The following TLE4 variants were observed in gnomAD, a reference collection of about 807,000 sequenced individuals.
TLE4 encodes the protein transducin-like enhancer protein 4.
In TLE4, 8 loss-of-function variants were observed where a neutral mutation model predicts 92.8. That is an observed-to-expected ratio of 0.09 (90% confidence interval 0.05 to 0.16). The LOEUF is 0.16. Ranked by LOEUF, TLE4 falls within the 10% of genes least tolerant of loss-of-function variation. TLE4 has a pLI of 1.00. For synonymous variants in TLE4, 371 were observed against 374.1 expected (o/e 0.99, Z 0.10); for missense variants, 675 against 997.6 (o/e 0.68, Z 4.36).
At chr9:79,683,656 T>C (rs1307869861) in intron 8 of TLE4, among the ~76,000 whole-genome samples, 8 of 152,242 alleles carry the variant, frequency 5.3e-5, no homozygotes, top group Non-Finnish European at 1.5e-5. Context: ...TGATAAGGTG[T>C]GGTTAATCTC....
chr9:79,596,177 C>G lies in TLE4; in HGVS notation c.253-16479C>G, dbSNP rs375917837. On this transcript the variant is annotated intron_variant, in intron 4 of 19. Coordinates refer to ENST00000376552, the MANE Select transcript of TLE4 (RefSeq NM_007005.6). ...TATCTACTTAATCGAAGAGAACATA[C>G]CTCTGTAAGTCACAAAGAATTTTTA... is the stretch of plus-strand genomic sequence containing the variant. 2.0e-5 allele frequency among the ~76,000 whole-genome samples: 3 copies of G among 152,058 alleles called. No individual in the cohort carries two copies. The South Asian group carries it at 6.2e-4, about 31-fold the overall frequency.
At chr9:79,717,816 G>A (rs2136185677) in intron 14 of TLE4, among the ~76,000 whole-genome samples, 1 of 152,196 alleles carries the variant, frequency 6.6e-6, no homozygotes, top group East Asian at 1.9e-4. Context: ...TCCAAAATGG[G>A]CTGTTGCCTA....
chr9:79,722,654 C>A, intron 18 of TLE4, 53 bp downstream of exon 18: 1 of 1,591,358 alleles, frequency 6.3e-7, no homozygotes, highest in Non-Finnish European at 8.6e-7. Flanking sequence ...CTCCTTCCCC[C>A]TTCCTGTGTT....
chr9:79,599,378 C>T (rs999195648), intron 4 of TLE4, among the ~76,000 whole-genome samples: 3 of 152,136 alleles, frequency 2.0e-5, no homozygotes, highest in African/African-American at 7.2e-5. Context: ...AAACTGAAGC[C>T]AGGGTCCTGT....
intron 8 of TLE4, among the ~76,000 whole-genome samples, chr9:79,680,929 T>G (rs2064414173): frequency 6.6e-6 from 1 of 152,186 alleles, no homozygotes; most frequent in Non-Finnish European, 1.5e-5. Flanking sequence ...TGGATTACAT[T>G]TATTGATTTG....
At chr9:79,603,354 A>G (rs1359410320) in intron 4 of TLE4, among the ~76,000 whole-genome samples, 1 of 152,136 alleles carries the variant, frequency 6.6e-6, no homozygotes, top group Admixed American at 6.5e-5. Flanking sequence ...GTTTTTGAGA[A>G]AATGTCATAG....
At chr9:79,616,066 T>A (rs571986314) in intron 5 of TLE4, among the ~76,000 whole-genome samples, 1 of 152,294 alleles carries the variant, frequency 6.6e-6, no homozygotes, top group South Asian at 2.1e-4. Context: ...AGACTCAAAT[T>A]TATTCTTCAA....
intron 4 of TLE4, among the ~76,000 whole-genome samples, chr9:79,587,928 GA>G (rs2041553736): frequency 6.6e-6 from 1 of 152,170 alleles, no homozygotes; most frequent in African/African-American, 2.4e-5. Flanking sequence ...ATCTTTTGAG[GA>G]AGGGATCTGA....
At chr9:79,683,975 C>G (rs7863508) in intron 8 of TLE4, among the ~76,000 whole-genome samples, 135,115 of 152,236 alleles carry the variant, frequency 0.89, 59,963 homozygotes, top group Admixed American at 0.9. Flanking sequence ...TAAGATATCA[C>G]AAACCATAAT....
intron 4 of TLE4, among the ~76,000 whole-genome samples, chr9:79,611,936 T>TAAAAAAAAA (rs34106000): frequency 1.3e-5 from 1 of 78,418 alleles, no homozygotes; most frequent in Non-Finnish European, 2.8e-5. Flanking sequence ...ATATCCACAG[T>TAAAAAAAAA]AAAAAAAAAA....
chr9:79,653,718 A>G (rs1028476533), intron 7 of TLE4, among the ~76,000 whole-genome samples: 1 of 152,232 alleles, frequency 6.6e-6, no homozygotes, highest in Non-Finnish European at 1.5e-5. Flanking sequence ...TCCATCTCTG[A>G]TATTAAAAAC....
chr9:79,648,045 T>C (rs560810847), intron 6 of TLE4, among the ~76,000 whole-genome samples: 5 of 152,218 alleles, frequency 3.3e-5, no homozygotes, highest in African/African-American at 9.6e-5. Context: ...CTAAACAGAC[T>C]AGTGTTGCGG....
In TLE4 at chr9:79,666,077, C is replaced by G. The variant is rs190287110; in HGVS notation, c.609+12002C>G. 1.2e-4 allele frequency among the ~76,000 whole-genome samples: 18 copies of G among 151,942 alleles called. No individual in the cohort carries two copies. The East Asian group carries it at 3.5e-3, about 29-fold the overall frequency. Reference sequence around the variant, plus strand: ...CTGGTGGTAAAAAGTAGAAATTCCACAATTACAAGTGGCAGTGAGTAAACT... The same window carrying G: ...CTGGTGGTAAAAAGTAGAAATTCCAGAATTACAAGTGGCAGTGAGTAAACT... On this transcript the variant is annotated intron_variant, in intron 8 of 19. Coordinates refer to ENST00000376552, the MANE Select transcript of TLE4 (RefSeq NM_007005.6).
Position 79,722,089 on chromosome 9 carries a change from C to T in TLE4, c.1986+201C>T, listed in dbSNP as rs541467871. Among the ~76,000 whole-genome samples the T allele has an allele frequency of 1.7e-3, 255 of 152,186 alleles. 1 individual carries two copies. The highest frequency in any genetic ancestry group is 4.8e-3 in the Admixed American group (74 of 15,284). ...CTGTGGCAGGAGAATCGCTTGAATG[C>T]GGGAGGCAGTGGTTGCACTGAGCTG... is the stretch of plus-strand genomic sequence containing the variant. On this transcript the variant is annotated intron_variant, in intron 17 of 19. Coordinates refer to ENST00000376552, the MANE Select transcript of TLE4 (RefSeq NM_007005.6).
At chr9:79,615,431 A>G (rs1756237324) in intron 5 of TLE4, among the ~76,000 whole-genome samples, 1 of 152,218 alleles carries the variant, frequency 6.6e-6, no homozygotes, top group African/African-American at 2.4e-5. Context: ...AGGAAAAAGC[A>G]AAACAATTCC....
intron 16 of TLE4, 60 bp downstream of exon 16, chr9:79,720,353 C>A: frequency 6.4e-7 from 1 of 1,551,042 alleles, no homozygotes; most frequent in South Asian, 1.2e-5. Flanking sequence ...CATATTTTGC[C>A]AAAGTGCTGT....
At chr9:79,658,709 G>C (rs1264624346) in intron 8 of TLE4, among the ~76,000 whole-genome samples, 1 of 152,176 alleles carries the variant, frequency 6.6e-6, no homozygotes, top group East Asian at 1.9e-4. Flanking sequence ...CTTTAAGTAG[G>C]AGTTTTACCG....
chr9:79,653,320 T>G (rs1194550863), intron 7 of TLE4, among the ~76,000 whole-genome samples: 1 of 152,216 alleles, frequency 6.6e-6, no homozygotes, highest in Non-Finnish European at 1.5e-5. Flanking sequence ...TAACTCTCTC[T>G]CTCACCCAGT....
In TLE4 at chr9:79,627,488, G is replaced by A. The variant is rs1019200148; in HGVS notation, c.390+40G>A. 4.4e-6 allele frequency: 7 copies of A among 1,586,540 alleles called. No individual in the cohort carries two copies. In the African/African-American group the frequency reaches 9.4e-5, roughly 21 times the overall value. On this transcript the variant is annotated intron_variant, in intron 6 of 19. Coordinates refer to ENST00000376552, the MANE Select transcript of TLE4 (RefSeq NM_007005.6). ...CATTTTAGCTCTGATCTTAGTGTTT[G>A]TCATCAGCTCTCTCGCTCTCTCTTT...
Sources: gnomAD v4.1 joint callset for allele counts (sites outside exome capture counted in the v4.1 genomes callset) on GRCh38, gnomAD v4.1.1 for gene constraint, MANE v1.5 for transcripts, NCBI Gene and HGNC (gene_info 2026-07-23, HGNC 2026-07-21) for gene names.